The following PIK3CD variants were observed in gnomAD, a reference collection of about 807,000 sequenced individuals.
PIK3CD encodes the protein phosphatidylinositol 4,5-bisphosphate 3-kinase catalytic subunit delta isoform.
Under a neutral mutation model 122.9 loss-of-function variants are expected in PIK3CD, and 20 were observed. The ratio of observed to expected loss-of-function variants is 0.16; its 90% CI spans 0.11 to 0.24. The LOEUF (loss-of-function observed/expected upper bound fraction) is 0.24, where lower values mean the gene tolerates loss of function less well. Ranked by LOEUF, PIK3CD falls within the 10% of genes least tolerant of loss-of-function variation. The probability of loss-of-function intolerance (pLI) is 1.00; values close to 1 mark genes in which losing one functional copy is unlikely to be tolerated. For synonymous variants in PIK3CD, 596 were observed against 593.4 expected (o/e 1.00, Z -0.06); for missense variants, 787 against 1,406.3 (o/e 0.56, Z 7.04).
chr1:9,725,719 A>G (rs1341684902), intron 23 of PIK3CD, among the ~76,000 whole-genome samples: 1 of 151,778 alleles, frequency 6.6e-6, no homozygotes, highest in East Asian at 1.9e-4. Flanking sequence ...TCTACTAAAA[A>G]TACAAAAATT....
intron 1 of PIK3CD, among the ~76,000 whole-genome samples, chr1:9,680,202 T>G (rs924684638): frequency 8.0e-5 from 12 of 150,764 alleles, no homozygotes; most frequent in African/African-American, 3.0e-4. Flanking sequence ...TTTCAAACTC[T>G]TGGTGTCAAG....
At chr1:9,676,326 C>T (rs1645535649) in intron 1 of PIK3CD, among the ~76,000 whole-genome samples, 1 of 152,212 alleles carries the variant, frequency 6.6e-6, no homozygotes, top group Non-Finnish European at 1.5e-5. Context: ...CCTCCCGCCT[C>T]AGCCCCCCAT....
At chr1:9,655,843 T>A (rs2100749351) in intron 1 of PIK3CD, among the ~76,000 whole-genome samples, 1 of 152,030 alleles carries the variant, frequency 6.6e-6, no homozygotes, top group South Asian at 2.1e-4. Flanking sequence ...ATTACAGATG[T>A]GCGCCACTAT....
intron 2 of PIK3CD, among the ~76,000 whole-genome samples, chr1:9,693,463 C>G: frequency 6.6e-6 from 1 of 151,790 alleles, no homozygotes. Context: ...GAACTCCTGA[C>G]CTCAAGGGAT....
chr1:9,675,569 C>T lies in PIK3CD; in HGVS notation c.-137-15898C>T, dbSNP rs147173093. Reference sequence around the variant, plus strand: ...GCTGCCTCCAAACACGGGCTTGTTCCCAGGAAGAAGTGCTGGGTTGGGGGA... The same window carrying T: ...GCTGCCTCCAAACACGGGCTTGTTCTCAGGAAGAAGTGCTGGGTTGGGGGA... On this transcript the variant is annotated intron_variant, in intron 1 of 23. Coordinates refer to ENST00000377346, the MANE Select transcript of PIK3CD (RefSeq NM_005026.5). Among the ~76,000 whole-genome samples the T allele has an allele frequency of 6.5e-3, 988 of 151,996 alleles. 4 individuals are homozygous for T. The highest frequency in any genetic ancestry group is 0.01 in the Admixed American group (159 of 15,230).
Position 9,717,656 on chromosome 1 carries a change from A to C in PIK3CD, c.1020+30A>C. On this transcript the variant is annotated intron_variant, in intron 8 of 23. Transcript: ENST00000377346. This position sits in a 1 kb window ranked among gnomAD's most constrained non-coding sequence, Gnocchi z 5.4. The stretch of plus-strand genomic sequence containing the variant: ...GGCTCCTGGGATAGGTGGGAGAGAC[A>C]CTGTTTTTTTGCACAAACAAGGTGG... 6.2e-7 allele frequency: 1 copy of C among 1,604,498 alleles called. No homozygotes were observed. The highest frequency in any genetic ancestry group is 8.5e-7 in the Non-Finnish European group (1 of 1,171,684).
intron 1 of PIK3CD, among the ~76,000 whole-genome samples, chr1:9,667,377 G>T (rs1014459702): frequency 7.9e-5 from 12 of 151,372 alleles, no homozygotes; most frequent in East Asian, 5.9e-4. Flanking sequence ...AATATTGAAA[G>T]AATTTTTTTT....
At chr1:9,653,560 A>T (rs977712331) in intron 1 of PIK3CD, 4 of 343,220 alleles carry the variant, frequency 1.2e-5, no homozygotes, top group African/African-American at 2.1e-5. Flanking sequence ...GACTGTTCAG[A>T]GAGGCACCCT....
chr1:9,702,416 A>T (rs1401963930), intron 2 of PIK3CD, among the ~76,000 whole-genome samples: 1 of 138,090 alleles, frequency 7.2e-6, no homozygotes, highest in East Asian at 2.1e-4. Context: ...GGTCCTGTGG[A>T]CTCCTCTGTG....
Position 9,703,296 on chromosome 1 carries a change from A to G in PIK3CD, c.-32-7128A>G, listed in dbSNP as rs182627245. Among the ~76,000 whole-genome samples, 253 of 152,318 alleles carry G rather than the reference A, an allele frequency of 1.7e-3. 1 individual carries two copies. The highest frequency in any genetic ancestry group is 5.9e-3 in the African/African-American group (244 of 41,574). On this transcript the variant is annotated intron_variant, in intron 2 of 23. Transcript: ENST00000377346. ...CGCCTAAGTCTCATTCCCACCTCCA[A>G]GCCAATCCCCATGGCCTGGGCAAAC...
Position 9,717,593 on chromosome 1 carries a change from G to C in PIK3CD, c.987G>C (p.Gln329His), listed in dbSNP as rs369790602. The C allele has an allele frequency of 6.2e-7, 1 of 1,614,152 alleles. No homozygotes were observed. Among genetic ancestry groups the C allele is most frequent in the East Asian group, 2.2e-5 (1 of 44,884 alleles). ...AGCCGTTCCGCATCGAGCTCATCCA[G>C]GGCAGCAAAGTGAACGCCGACGAGC... is the stretch of plus-strand genomic sequence containing the variant. Reference protein sequence around the residue: ...LEQPFRIELIQGSKVNADERM... With the variant: ...LEQPFRIELIHGSKVNADERM... The change falls in exon 8 of 24, where the codon CAG (glutamine) becomes CAC (histidine). Residue 329 changes from glutamine to histidine, a missense_variant. Physicochemically the swap from Gln to His is conservative, Grantham distance 24. Transcript: ENST00000377346. This position sits in a 1 kb window ranked among gnomAD's most constrained non-coding sequence, Gnocchi z 5.4.
intron 2 of PIK3CD, among the ~76,000 whole-genome samples, chr1:9,695,572 A>G (rs536813082): frequency 5.9e-5 from 9 of 152,324 alleles, no homozygotes; most frequent in African/African-American, 1.9e-4. Flanking sequence ...GGCCAGGCGC[A>G]ATGGCTCACA....
At chr1:9,685,752 C>G (rs551339004) in intron 1 of PIK3CD, among the ~76,000 whole-genome samples, 42 of 152,204 alleles carry the variant, frequency 2.8e-4, no homozygotes, top group African/African-American at 9.9e-4. Flanking sequence ...CAATAGCGCA[C>G]TGCAGCCTCA....
In PIK3CD at chr1:9,684,274, C is replaced by T. The variant is rs146966297; in HGVS notation, c.-137-7193C>T. Among the ~76,000 whole-genome samples, 1,070 of 152,254 alleles carry T rather than the reference C, an allele frequency of 7.0e-3. 8 individuals carry two copies. The highest frequency in any genetic ancestry group is 0.014 in the Middle Eastern group (4 of 294). On this transcript the variant is annotated intron_variant, in intron 1 of 23. Transcript: ENST00000377346. ...AATGCAGGCTGGGCGCAGTGGCTCA[C>T]GCCTGTAATCCCAGCACTTTGGGAG...
At chr1:9,665,398 C>T (rs901712148) in intron 1 of PIK3CD, among the ~76,000 whole-genome samples, 1 of 151,504 alleles carries the variant, frequency 6.6e-6, no homozygotes, top group Admixed American at 6.6e-5. Flanking sequence ...CTACTACAGG[C>T]GCACGCCGCC....
At chr1:9,666,984 G>A (rs1267157347) in intron 1 of PIK3CD, among the ~76,000 whole-genome samples, 2 of 151,948 alleles carry the variant, frequency 1.3e-5, no homozygotes, top group Non-Finnish European at 2.9e-5. Flanking sequence ...TCCTGCCTCA[G>A]CCTCCTGTAG....
At position 9,664,882 on chromosome 1, in the gene PIK3CD, TGTCCTGG is replaced by T. The variant is rs1247742160; in HGVS notation, c.-138+13083_-138+13089del. On this transcript the variant is annotated intron_variant, in intron 1 of 23. Coordinates refer to ENST00000377346, the MANE Select transcript of PIK3CD (RefSeq NM_005026.5). ...AGTGTTTCCTTGACATCACCTGAGA[TGTCCTGG>T]GTATTTCAGTCTTAAGATTATTTTA... Among the ~76,000 whole-genome samples the T allele has an allele frequency of 2.0e-5, 3 of 152,266 alleles. No individual in the cohort carries two copies. The South Asian group carries it at 6.2e-4, about 32-fold the overall frequency.
rs199962152 is a variant in PIK3CD, at chr1:9,720,704, G to A, written c.1522-38G>A. On this transcript the variant is annotated intron_variant, in intron 12 of 23. Transcript: ENST00000377346. This position sits in a 1 kb window ranked among gnomAD's most constrained non-coding sequence, Gnocchi z 9.0. ...GTGGGGTGGGGGGCATGGAGCCGGCGTGGAACCAGAGCCCTCACTCCTGCC... is the reference window on the plus strand; with the variant it reads ...GTGGGGTGGGGGGCATGGAGCCGGCATGGAACCAGAGCCCTCACTCCTGCC... 4,976 of 1,592,916 alleles carry A rather than the reference G, an allele frequency of 3.1e-3. 95 individuals carry two copies. In the East Asian group the frequency reaches 0.047, roughly 15 times the overall value.
At position 9,728,714 on chromosome 1, in the gene PIK3CD, G is replaced by C. The variant is rs990207437; in HGVS notation, c.*1668G>C. 2.6e-5 allele frequency: 4 copies of C among 152,268 alleles called. No homozygotes were observed. Among genetic ancestry groups the C allele is most frequent in the African/African-American group, 7.2e-5 (3 of 41,472 alleles). 9.4% of individuals were successfully genotyped at this position (152,268 alleles called of 1,614,324 possible). ...TATTTAAGTGCGCCTGTGTGCGCGG[G>C]TGTGGGAGCACACTTTGCAAAGCCA... On this transcript the variant is annotated 3_prime_UTR_variant, in exon 24 of 24. Transcript: ENST00000377346.
Sources: gnomAD v4.1 joint callset for allele counts (sites outside exome capture counted in the v4.1 genomes callset) on GRCh38, gnomAD v4.1.1 for gene constraint, Gnocchi (gnomAD v3.1) non-coding constraint, MANE v1.5 for transcripts, NCBI Gene and HGNC (gene_info 2026-07-23, HGNC 2026-07-21) for gene names.